Variants in STARD8 observed in about 807,000 individuals in gnomAD.
The protein encoded by STARD8 is StAR related lipid transfer domain containing 8.
Under a neutral mutation model 69.4 loss-of-function variants are expected in STARD8, and 25 were observed. The ratio of observed to expected loss-of-function variants is 0.36; its 90% CI spans 0.26 to 0.50. The LOEUF is 0.50. Ranked by LOEUF, STARD8 falls within the 20% of genes least tolerant of loss-of-function variation. The pLI is 0.96. For synonymous variants in STARD8, 389 were observed against 374.6 expected (o/e 1.04, Z -0.45); for missense variants, 921 against 932.5 (o/e 0.99, Z 0.16).
chrX:68,708,857 C>T (rs1256485563), intron 2 of STARD8, among the ~76,000 whole-genome samples: 1 of 111,931 alleles, frequency 8.9e-6, no homozygotes, highest in Non-Finnish European at 1.9e-5. Flanking sequence ...CCTCACTCAC[C>T]TCAGCCTGCC....
At chrX:68,651,992 C>G (rs937786421) in intron 1 of STARD8, among the ~76,000 whole-genome samples, 1 of 107,370 alleles carries the variant, frequency 9.3e-6, no homozygotes, top group Non-Finnish European at 1.9e-5. Flanking sequence ...GAATTACAGG[C>G]GCCCGCCACC....
At chrX:68,723,865 C>T in intron 13 of STARD8, 22 bp downstream of exon 13, 1 of 1,205,205 alleles carries the variant, frequency 8.3e-7, no homozygotes, top group Non-Finnish European at 1.1e-6. Flanking sequence ...CAGCTGCTAC[C>T]CTTCTGTGCT....
Position 68,722,537 on chromosome X carries a change from G to A in STARD8, c.2690G>A (p.Ser897Asn). The A allele has an allele frequency of 8.3e-7, 1 of 1,211,932 alleles. No homozygotes were observed. The highest frequency in any genetic ancestry group is 1.1e-6 in the Non-Finnish European group (1 of 895,610). ...GCCCAAGCTGCAGGGGTAAGCCTGA[G>A]CCTCTACATGGAAGAGAATATCCAG... is the stretch of plus-strand genomic sequence containing the variant. ...RQAQAAGVSL[S>N]LYMEENIQDL... The change falls in exon 12 of 15, where the codon AGC (serine) becomes AAC (asparagine). Residue 897 changes from serine to asparagine, a missense_variant. Coordinates refer to ENST00000374599, the MANE Select transcript of STARD8 (RefSeq NM_001142503.3).
chrX:68,686,626 G>A (rs749950544), intron 2 of STARD8, among the ~76,000 whole-genome samples: 2 of 113,075 alleles, frequency 1.8e-5, no homozygotes, highest in Non-Finnish European at 3.8e-5. Flanking sequence ...TCCCGCACCG[G>A]CTCTTCGAAG....
intron 1 of STARD8, among the ~76,000 whole-genome samples, chrX:68,653,287 A>ACACC (rs2079580499): frequency 3.3e-5 from 1 of 30,360 alleles, no homozygotes; most frequent in African/African-American, 1.2e-4. Context: ...CCACACACAC[A>ACACC]CCACACACCA....
intron 2 of STARD8, among the ~76,000 whole-genome samples, chrX:68,676,462 G>A (rs984216158): frequency 1.9e-4 from 21 of 112,330 alleles, no homozygotes; most frequent in African/African-American, 6.5e-4. Flanking sequence ...AGGCAAGCCC[G>A]TTGTCTCAGA....
chrX:68,700,243 T>C (rs764307393), intron 2 of STARD8, among the ~76,000 whole-genome samples: 9 of 112,280 alleles, frequency 8.0e-5, no homozygotes, highest in Non-Finnish European at 1.7e-4. Context: ...CCAAGGCACT[T>C]TCACTTCCAT....
chrX:68,663,453 A>G (rs2079663385), intron 1 of STARD8, among the ~76,000 whole-genome samples: 1 of 112,352 alleles, frequency 8.9e-6, no homozygotes, highest in African/African-American at 3.2e-5. Context: ...TCTACCATGC[A>G]AGATGGTTGT....
At position 68,724,677 on chromosome X, in the gene STARD8, G is replaced by T. The variant is rs1397051952; in HGVS notation, c.*255G>T. ...ACTCTCCCGAAAAGAGAAGAGAATC[G>T]CATGAGTAGCAAGACTGCTGCCACC... On this transcript the variant is annotated 3_prime_UTR_variant, in exon 15 of 15. Transcript: ENST00000374599. The T allele has an allele frequency of 6.8e-6, 2 of 293,188 alleles. No homozygotes were observed. Among genetic ancestry groups the T allele is most frequent in the Admixed American group, 5.8e-5 (1 of 17,267 alleles). 24.2% of individuals were successfully genotyped at this position (293,188 alleles called of 1,213,427 possible). A position where few individuals can be genotyped will look rare whatever the true frequency, so the allele number is the denominator to read the frequency against.
intron 7 of STARD8, 126 bp downstream of exon 7, chrX:68,719,524 GC>G: frequency 1.2e-6 from 1 of 800,765 alleles, no homozygotes; most frequent in Non-Finnish European, 1.7e-6. Context: ...GGTGAGATAT[GC>G]CAGGAGGCTG....
chrX:68,668,161 C>G (rs1403554153), intron 2 of STARD8, among the ~76,000 whole-genome samples: 1 of 93,884 alleles, frequency 1.1e-5, no homozygotes, highest in Admixed American at 1.2e-4. Context: ...TCTTCTTTCT[C>G]CTTCTCTTTC....
At chrX:68,717,130 G>C in intron 5 of STARD8, 82 bp from the exon 6 acceptor site, 1 of 1,089,184 alleles carries the variant, frequency 9.2e-7, no homozygotes, top group Non-Finnish European at 1.2e-6. Flanking sequence ...AGTCCCCCAA[G>C]AGTTTGGAAG....
chrX:68,698,581 G>C (rs1394396374), intron 2 of STARD8, among the ~76,000 whole-genome samples: 1 of 102,201 alleles, frequency 9.8e-6, no homozygotes. Context: ...GGTAAGGGTC[G>C]GGCCAGGACC....
rs182714992 is a variant in STARD8, at chrX:68,664,439, G to A, written c.46-1060G>A. Among the ~76,000 whole-genome samples the A allele has an allele frequency of 1.7e-3, 192 of 111,980 alleles. 2 individuals are homozygous for A. Among genetic ancestry groups the A allele is most frequent in the African/African-American group, 5.6e-3 (171 of 30,810 alleles). On this transcript the variant is annotated intron_variant, in intron 1 of 14. Transcript: ENST00000374599. ...ATTCTCCTGCTCTATATCCACCAAT[G>A]GCTGCCTACTGTAATTTGAATCAAA...
intron 6 of STARD8, 107 bp downstream of exon 6, chrX:68,718,736 G>A (rs1602613391): frequency 9.1e-7 from 1 of 1,093,106 alleles, no homozygotes; most frequent in East Asian, 3.3e-5. Flanking sequence ...CTTGGCGGCT[G>A]CGTTATCCCC....
At chrX:68,654,366 G>A (rs1313267533) in intron 1 of STARD8, among the ~76,000 whole-genome samples, 3 of 111,734 alleles carry the variant, frequency 2.7e-5, no homozygotes, top group Non-Finnish European at 3.8e-5. Flanking sequence ...ATACATGCAC[G>A]TATGTGTTAA....
chrX:68,653,116 ACACAC>A (rs2079573739), intron 1 of STARD8, among the ~76,000 whole-genome samples: 1 of 74,570 alleles, frequency 1.3e-5, no homozygotes, highest in Admixed American at 1.5e-4. Flanking sequence ...CACACACACC[ACACAC>A]CACACACACA....
In STARD8 at chrX:68,725,520, C is replaced by T. The variant is rs1456934715; in HGVS notation, c.*1098C>T. ...CCCAACCACCACTGTAATTTTCAAGCCTATTTTATTTGTACCTGTAAATAC... is the reference window on the plus strand; with the variant it reads ...CCCAACCACCACTGTAATTTTCAAGTCTATTTTATTTGTACCTGTAAATAC... On this transcript the variant is annotated 3_prime_UTR_variant, in exon 15 of 15. Coordinates refer to ENST00000374599, the MANE Select transcript of STARD8 (RefSeq NM_001142503.3). 1.9e-5 allele frequency: 2 copies of T among 104,128 alleles called. No homozygotes were observed. The highest frequency in any genetic ancestry group is 7.2e-5 in the African/African-American group (2 of 27,695). The allele number at this position is 104,128 out of a possible 1,213,427, so 8.6% of individuals were successfully genotyped here. A position where few individuals can be genotyped will look rare whatever the true frequency, so the allele number is the denominator to read the frequency against.
intron 2 of STARD8, among the ~76,000 whole-genome samples, chrX:68,688,706 G>A (rs183343718): frequency 2.1e-4 from 23 of 111,510 alleles, no homozygotes; most frequent in African/African-American, 7.5e-4. Context: ...CAAAGACCAG[G>A]GCTCCAGGAG....
Sources: allele counts gnomAD v4.1 joint callset (sites outside exome capture counted in the v4.1 genomes callset), GRCh38; gene constraint gnomAD v4.1.1; transcripts MANE v1.5; gene names NCBI Gene and HGNC (gene_info 2026-07-23, HGNC 2026-07-21).